The following TANK variants were observed in gnomAD, a reference collection of about 807,000 sequenced individuals.
TANK encodes TRAF family member associated NFKB activator.
In TANK, 15 loss-of-function variants were observed where a neutral mutation model predicts 43.6. The observed-to-expected ratio is 0.34, with a 90% CI of 0.23 to 0.53. TANK has a LOEUF of 0.53. Ranked by LOEUF, TANK falls within the 20% of genes least tolerant of loss-of-function variation. TANK has a pLI of 0.94. For synonymous variants in TANK, 162 were observed against 178.2 expected (o/e 0.91, Z 0.73); for missense variants, 417 against 498.6 (o/e 0.84, Z 1.56).
chr2:161,203,365 A>AGCCAGTTTGT, intron 2 of TANK, 122 bp from the exon 3 acceptor site: 1 of 632,794 alleles, frequency 1.6e-6, no homozygotes, highest in Non-Finnish European at 2.7e-6. Context: ...GTATCTCATA[A>AGCCAGTTTGT]ATCACAATAC....
Position 161,141,935 on chromosome 2 carries a change from A to C in TANK, c.-50+4872A>C, listed in dbSNP as rs181473513. Among the ~76,000 whole-genome samples the C allele has an allele frequency of 2.7e-3, 413 of 152,320 alleles. 3 individuals are homozygous for C. Among genetic ancestry groups the C allele is most frequent in the African/African-American group, 9.7e-3 (403 of 41,572 alleles). ...TCTTCCACAATAGTTGAACGAATTT[A>C]CATTTCCACCAACAGTGTAAAAGCA... On this transcript the variant is annotated intron_variant, in intron 1 of 7. Coordinates refer to the TANK transcript ENST00000259075.
chr2:161,224,679 A>T lies in TANK; in HGVS notation c.453A>T (p.Lys151Asn). 1 of 1,590,786 alleles carries T rather than the reference A, an allele frequency of 6.3e-7. No homozygotes were observed. Among genetic ancestry groups the T allele is most frequent in the Non-Finnish European group, 8.6e-7 (1 of 1,167,926 alleles). Residue 151 changes from lysine (K) to asparagine (N), a missense_variant, in exon 6 of 8, where the codon AAA becomes AAT. Coordinates refer to ENST00000392749, the MANE Select transcript of TANK (RefSeq NM_001199135.3). The stretch of plus-strand genomic sequence containing the variant: ...GGGATCTGAAAGAAGAATTTCATAA[A>T]ATATGCATGCTAGCAAAAGCACAGA... ...TFWDLKEEFH[K>N]ICMLAKAQKD...
At chr2:161,212,157 C>G (rs1013476405) in intron 4 of TANK, 1 of 324,586 alleles carries the variant, frequency 3.1e-6, no homozygotes, top group Non-Finnish European at 4.4e-6. Context: ...ACCTCCCAGG[C>G]TCAAGTGAAT....
At chr2:161,192,442 A>G (rs1685958468) in intron 2 of TANK, among the ~76,000 whole-genome samples, 1 of 152,164 alleles carries the variant, frequency 6.6e-6, no homozygotes, top group Admixed American at 6.5e-5. Flanking sequence ...TATTTATTTT[A>G]CCTGGCCTCT....
Position 161,235,900 on chromosome 2 carries a change from A to G in TANK, c.*382A>G, listed in dbSNP as rs1374759146. On this transcript the variant is annotated 3_prime_UTR_variant, in exon 8 of 8. Coordinates refer to ENST00000392749, the MANE Select transcript of TANK (RefSeq NM_001199135.3). Reference sequence around the variant, plus strand: ...CTAGTGAGAGCTGTTGAATTTGGTGATGTCAAATGTTTCTAGGGTTTTTTT... The same window carrying G: ...CTAGTGAGAGCTGTTGAATTTGGTGGTGTCAAATGTTTCTAGGGTTTTTTT... 1 of 153,800 alleles carries G rather than the reference A, an allele frequency of 6.5e-6. No individual in the cohort carries two copies. Among genetic ancestry groups the G allele is most frequent in the Non-Finnish European group, 1.4e-5 (1 of 69,260 alleles). The allele number at this position is 153,800 out of a possible 1,614,324, so 9.5% of individuals were successfully genotyped here.
At position 161,172,334 on chromosome 2, in the gene TANK, C is replaced by A. The variant is rs114688078; in HGVS notation, c.-49-7280C>A. Among the ~76,000 whole-genome samples, 846 of 135,448 alleles carry A rather than the reference C, an allele frequency of 6.2e-3. 11 individuals carry two copies. The highest frequency in any genetic ancestry group is 0.021 in the African/African-American group (778 of 37,306). The allele number at this position is 135,448 out of a possible 152,430, so 88.9% of individuals were successfully genotyped here. On this transcript the variant is annotated intron_variant, in intron 1 of 7. Transcript: ENST00000392749. ...TTGCTTTTCTCTATTGTTTTCTTTT[C>A]AAAAATGTAGTTTTTTTCGGCTTTT...
intron 4 of TANK, chr2:161,216,561 G>C (rs1030005520): frequency 1.7e-5 from 3 of 180,092 alleles, no homozygotes; most frequent in African/African-American, 2.5e-5. Context: ...GGTCTTGGTA[G>C]TTTATTTTTT....
chr2:161,176,418 G>A (rs1685175750), intron 1 of TANK, among the ~76,000 whole-genome samples: 1 of 151,982 alleles, frequency 6.6e-6, no homozygotes, highest in African/African-American at 2.4e-5. Context: ...TATTTCTTTA[G>A]CATACATTCT....
chr2:161,181,894 A>T (rs1216215183), intron 2 of TANK, among the ~76,000 whole-genome samples: 1 of 152,108 alleles, frequency 6.6e-6, no homozygotes, highest in Non-Finnish European at 1.5e-5. Context: ...GTTGAAAGTG[A>T]GAGATCTTAT....
intron 2 of TANK, among the ~76,000 whole-genome samples, chr2:161,203,179 A>G (rs551356671): frequency 6.6e-6 from 1 of 151,940 alleles, no homozygotes; most frequent in East Asian, 1.9e-4. Context: ...TTTTTCCATT[A>G]AGGAATAAAT....
At chr2:161,154,325 GC>G (rs1302566844) in intron 1 of TANK, among the ~76,000 whole-genome samples, 1 of 152,144 alleles carries the variant, frequency 6.6e-6, no homozygotes, top group African/African-American at 2.4e-5. Flanking sequence ...ATTAAAAGAA[GC>G]CCAAAATCAC....
intron 4 of TANK, among the ~76,000 whole-genome samples, chr2:161,222,258 G>A (rs1211862023): frequency 6.6e-6 from 1 of 151,342 alleles, no homozygotes; most frequent in Non-Finnish European, 1.5e-5. Context: ...TTTTTGTTTT[G>A]TTTTTTGTTG....
chr2:161,206,185 C>G (rs763244039), intron 4 of TANK, among the ~76,000 whole-genome samples: 5 of 151,820 alleles, frequency 3.3e-5, no homozygotes, highest in African/African-American at 7.3e-5. Flanking sequence ...AATGTTAACA[C>G]TTGTTAACTC....
intron 1 of TANK, among the ~76,000 whole-genome samples, chr2:161,149,277 C>A (rs1479930387): frequency 2.0e-5 from 3 of 151,798 alleles, no homozygotes; most frequent in African/African-American, 4.8e-5. Flanking sequence ...TCTTAATTTC[C>A]TTTTAAGAGG....
chr2:161,188,327 TAACTA>T (rs773140265), intron 2 of TANK, among the ~76,000 whole-genome samples: 119 of 151,938 alleles, frequency 7.8e-4, no homozygotes, highest in African/African-American at 2.3e-3. Context: ...GGAAGACAAA[TAACTA>T]AAATAAGAAA....
At chr2:161,175,918 G>A (rs1057355802) in intron 1 of TANK, among the ~76,000 whole-genome samples, 1 of 152,108 alleles carries the variant, frequency 6.6e-6, no homozygotes, top group Admixed American at 6.6e-5. Flanking sequence ...GATTTGCATT[G>A]AGCTAGCCCT....
chr2:161,194,246 C>CT (rs1686046395), intron 2 of TANK, among the ~76,000 whole-genome samples: 1 of 151,742 alleles, frequency 6.6e-6, no homozygotes, highest in Admixed American at 6.6e-5. Context: ...TCCCAAGATT[C>CT]TTTGTATTAT....
intron 1 of TANK, among the ~76,000 whole-genome samples, chr2:161,145,434 G>A (rs533971807): frequency 1.3e-5 from 2 of 151,534 alleles, no homozygotes; most frequent in East Asian, 3.9e-4. Flanking sequence ...GGTCTTTGTT[G>A]ATGTTGATAT....
At chr2:161,165,680 T>A (rs1684647039) in intron 1 of TANK, among the ~76,000 whole-genome samples, 1 of 152,240 alleles carries the variant, frequency 6.6e-6, no homozygotes, top group African/African-American at 2.4e-5. Flanking sequence ...AGTTCCCTCA[T>A]CTGTGAATAT....
Sources: gnomAD v4.1 joint callset for allele counts (sites outside exome capture counted in the v4.1 genomes callset) on GRCh38, gnomAD v4.1.1 for gene constraint, MANE v1.5 for transcripts, NCBI Gene and HGNC (gene_info 2026-07-23, HGNC 2026-07-21) for gene names.